The following CCT7 variants were observed in gnomAD, a reference collection of about 807,000 sequenced individuals.
CCT7 encodes the protein chaperonin containing TCP1 subunit 7.
Under a neutral mutation model 56.6 loss-of-function variants are expected in CCT7, and 16 were observed. The observed-to-expected ratio is 0.28, with a 90% CI of 0.19 to 0.43. The LOEUF is 0.43. CCT7 is among the 20% of genes least tolerant of loss of function. The pLI is 1.00. For missense variants in CCT7, 519 were observed against 685.6 expected (o/e 0.76, Z 2.71); for synonymous variants, 262 against 254.8 (o/e 1.03, Z -0.27).
chr2:73,241,738 G>GTTTT (rs71846554), intron 3 of CCT7, among the ~76,000 whole-genome samples: 3 of 144,904 alleles, frequency 2.1e-5, no homozygotes, highest in Non-Finnish European at 3.0e-5. Flanking sequence ...ATTCCCAGTA[G>GTTTT]TTTTTTTTTT....
intron 1 of CCT7, 93 bp from the exon 2 acceptor site, chr2:73,239,550 G>GT (rs1262323634): frequency 1.7e-6 from 2 of 1,176,388 alleles, no homozygotes; most frequent in Admixed American, 4.4e-5. Flanking sequence ...AGATAATTCT[G>GT]TTAAGGGAGA....
At chr2:73,236,344 CT>C (rs1372969989) in intron 1 of CCT7, among the ~76,000 whole-genome samples, 247 of 146,516 alleles carry the variant, frequency 1.7e-3, no homozygotes, top group African/African-American at 4.3e-3. Context: ...GTTTCTTTTT[CT>C]TTTTTTTTTT....
At chr2:73,251,694 A>AC (rs1287934898) in intron 11 of CCT7, among the ~76,000 whole-genome samples, 1 of 152,162 alleles carries the variant, frequency 6.6e-6, no homozygotes, top group African/African-American at 2.4e-5. Flanking sequence ...TAATCCCAAC[A>AC]TTCGGGAGGC....
At chr2:73,243,939 T>G in intron 4 of CCT7, 58 bp from the exon 5 acceptor site, 1 of 1,501,722 alleles carries the variant, frequency 6.7e-7, no homozygotes, top group South Asian at 1.1e-5. Context: ...GAGATTGAGG[T>G]CCACTTCAGC....
At position 73,234,467 on chromosome 2, in the gene CCT7, G is replaced by A. The variant is rs192373318; in HGVS notation, c.6+83G>A. The A allele has an allele frequency of 1.4e-3, 2,174 of 1,512,916 alleles. 6 individuals are homozygous for A. Among genetic ancestry groups the A allele is most frequent in the Non-Finnish European group, 1.5e-3 (1,655 of 1,098,906 alleles). The allele number at this position is 1,512,916 out of a possible 1,614,324, so 93.7% of individuals were successfully genotyped here. A position where few individuals can be genotyped will look rare whatever the true frequency, so the allele number is the denominator to read the frequency against. On this transcript the variant is annotated intron_variant, in intron 1 of 11. Transcript: ENST00000258091. ...CCGCTCGGCCTGGGCTTGCTCTGTA[G>A]GACCCTCTTTTGCTTGCCGCCTCTG...
intron 1 of CCT7, among the ~76,000 whole-genome samples, chr2:73,238,060 T>C (rs942119566): frequency 6.6e-6 from 1 of 152,182 alleles, no homozygotes; most frequent in Non-Finnish European, 1.5e-5. Flanking sequence ...TATATTAAAT[T>C]ACTCCCACTC....
chr2:73,250,556 TGTG>T (rs1369587186), intron 10 of CCT7, 118 bp downstream of exon 10: 4 of 1,198,596 alleles, frequency 3.3e-6, no homozygotes, highest in African/African-American at 3.0e-5. Flanking sequence ...TCCTGGGTGG[TGTG>T]GTGAGCCCTG....
In CCT7 at chr2:73,244,592, C is replaced by T. The variant is rs1687256116; in HGVS notation, c.495C>T (p.Ser165=). Residue 165 remains serine (S), a synonymous_variant, in exon 6 of 12, where the codon TCC becomes TCT. Coordinates refer to ENST00000258091, the MANE Select transcript of CCT7 (RefSeq NM_006429.4). ...AGTGTGCCATGACCGCTCTGAGCTC[C>T]AAGCTGATCTCCCAGCAGAAAGCTT... ...LEKCAMTALS[S]KLISQQKAFF... The T allele has an allele frequency of 1.2e-6, 2 of 1,613,686 alleles. No individual in the cohort carries two copies. The highest frequency in any genetic ancestry group is 2.2e-5 in the South Asian group (2 of 91,042).
chr2:73,244,514 C>A, intron 5 of CCT7, 30 bp from the exon 6 acceptor site: 4 of 1,582,698 alleles, frequency 2.5e-6, no homozygotes, highest in Non-Finnish European at 3.4e-6. Flanking sequence ...GTTTTCAAGA[C>A]CTGATGCAGA....
Position 73,251,393 on chromosome 2 carries a change from C to T in CCT7, c.1371C>T (p.Ala457=), listed in dbSNP as rs200761109. 1.2e-3 allele frequency: 1,773 copies of T among 1,512,372 alleles called. 1 individual carries two copies. Among genetic ancestry groups the T allele is most frequent in the South Asian group, 1.6e-3 (140 of 90,010 alleles). 93.7% of individuals were successfully genotyped at this position (1,512,372 alleles called of 1,614,324 possible). ...TGTGTGACAATGCTGGCTTTGATGC[C>T]ACAAACATTCTCAACAAGCTGCGGG... is the stretch of plus-strand genomic sequence containing the variant. The part of the protein sequence containing the change: ...RQLCDNAGFD[A]TNILNKLRAR... The change falls in exon 11 of 12, where the codon GCC becomes GCT. Residue 457 remains alanine (A), a synonymous_variant. Coordinates refer to ENST00000258091, the MANE Select transcript of CCT7 (RefSeq NM_006429.4).
intron 5 of CCT7, 62 bp downstream of exon 5, chr2:73,244,111 AGGCTAGTCTTGAACTACTGGCTC>A: frequency 2.0e-6 from 3 of 1,501,002 alleles, no homozygotes; most frequent in Non-Finnish European, 2.7e-6. Context: ...TGTATTGCCC[AGGCTAGTCTTGAACTACTGGCTC>A]AAGTGATCTC....
intron 7 of CCT7, among the ~76,000 whole-genome samples, chr2:73,248,492 A>G (rs1445779316): frequency 6.6e-6 from 1 of 152,192 alleles, no homozygotes; most frequent in African/African-American, 2.4e-5. Flanking sequence ...CTGGGATTAC[A>G]GGTATGTGCC....
At chr2:73,242,590 T>G (rs1687163624) in intron 3 of CCT7, among the ~76,000 whole-genome samples, 1 of 152,244 alleles carries the variant, frequency 6.6e-6, no homozygotes, top group East Asian at 1.9e-4. Flanking sequence ...ACCTTTTGCT[T>G]CTTAAACAAT....
chr2:73,252,797 C>T lies in CCT7; in HGVS notation c.1568C>T (p.Pro523Leu). Residue 523 changes from proline to leucine, a missense_variant, in exon 12 of 12, where the codon CCC (proline) becomes CTC (leucine). Physicochemically the swap from Pro to Leu is moderately conservative, Grantham distance 98 (BLOSUM62 -3). Transcript: ENST00000258091. ...IVSVDETIKN[P>L]RSTVDAPTAA... Reference sequence around the variant, plus strand: ...TCTGTAGATGAAACCATCAAGAACCCCCGCTCGACTGTGGATGCTCCCACA... The same window carrying T: ...TCTGTAGATGAAACCATCAAGAACCTCCGCTCGACTGTGGATGCTCCCACA... The T allele has an allele frequency of 6.2e-7, 1 of 1,614,142 alleles. No individual in the cohort carries two copies. The highest frequency in any genetic ancestry group is 8.5e-7 in the Non-Finnish European group (1 of 1,180,028).
In CCT7 at chr2:73,244,526, T is replaced by TCTG; in HGVS notation, c.447-16_447-14dup. 1 of 1,597,074 alleles carries TCTG rather than the reference T, an allele frequency of 6.3e-7. No individual in the cohort carries two copies. The highest frequency in any genetic ancestry group is 1.1e-5 in the South Asian group (1 of 89,338). On this transcript the variant is annotated splice_polypyrimidine_tract_variant and intron_variant, in intron 5 of 11. Coordinates refer to ENST00000258091, the MANE Select transcript of CCT7 (RefSeq NM_006429.4). ...TTGGTTTTCAAGACCTGATGCAGATTCTGCCCTTGTGTCCCAGGGAGCAGA... is the reference window on the plus strand; with the variant it reads ...TTGGTTTTCAAGACCTGATGCAGATTCTGCTGCCCTTGTGTCCCAGGGAGCAGA...
chr2:73,251,145 T>G, intron 10 of CCT7, 81 bp from the exon 11 acceptor site: 1 of 1,293,860 alleles, frequency 7.7e-7, no homozygotes, highest in African/African-American at 1.5e-5. Context: ...CTTTCTGGGC[T>G]GAAGGGACCT....
In CCT7 at chr2:73,244,271, CT is replaced by C. The variant is rs1159701358; in HGVS notation, c.446+223del. ...AGCATGCTGCAATCCCTCTATGTGC[CT>C]GGGGCTGTTTGGCTCCTGCCAGACC... On this transcript the variant is annotated intron_variant, in intron 5 of 11. Coordinates refer to ENST00000258091, the MANE Select transcript of CCT7 (RefSeq NM_006429.4). 10 of 617,942 alleles carry C rather than the reference CT, an allele frequency of 1.6e-5. No homozygotes were observed. In the African/African-American group the frequency reaches 1.8e-4, roughly 11 times the overall value. The allele number at this position is 617,942 out of a possible 1,614,324, so 38.3% of individuals were successfully genotyped here.
chr2:73,234,478 T>G (rs1686769979), intron 1 of CCT7, 94 bp downstream of exon 1: 3 of 1,418,248 alleles, frequency 2.1e-6, no homozygotes, highest in South Asian at 2.3e-5. Context: ...GACCCTCTTT[T>G]GCTTGCCGCC....
At chr2:73,246,378 C>T (rs1004272110) in intron 6 of CCT7, among the ~76,000 whole-genome samples, 2 of 152,246 alleles carry the variant, frequency 1.3e-5, no homozygotes, top group African/African-American at 4.8e-5. Context: ...TCCTTGAAAA[C>T]CCTTCTGACT....
Sources: allele counts gnomAD v4.1 joint callset (sites outside exome capture counted in the v4.1 genomes callset), GRCh38; gene constraint gnomAD v4.1.1; transcripts MANE v1.5; gene names NCBI Gene and HGNC (gene_info 2026-07-23, HGNC 2026-07-21).